Variants in CRACR2A observed in about 807,000 individuals in gnomAD.
The protein encoded by CRACR2A is calcium release activated channel regulator 2A.
Under a neutral mutation model 90.5 loss-of-function variants are expected in CRACR2A, and 79 were observed. That is an observed-to-expected ratio of 0.87 (90% CI 0.73 to 1.05). The LOEUF is 1.05. CRACR2A is among the 50% of genes least tolerant of loss of function. CRACR2A has a pLI of 0.00. For missense variants in CRACR2A, 823 were observed against 897.2 expected, an observed-to-expected ratio of 0.92 and a Z score of 1.06; for synonymous variants, 338 against 356.7, an observed-to-expected ratio of 0.95 and a Z score of 0.59.
chr12:3,662,356 GC>G (rs1240747464), intron 7 of CRACR2A, among the ~76,000 whole-genome samples: 5 of 152,352 alleles, frequency 3.3e-5, no homozygotes, highest in Non-Finnish European at 7.4e-5. Context: ...GAGAAGACTT[GC>G]ATTCTGATCC....
chr12:3,717,013 G>A (rs1857887175), intron 2 of CRACR2A, among the ~76,000 whole-genome samples: 1 of 152,134 alleles, frequency 6.6e-6, no homozygotes, highest in Non-Finnish European at 1.5e-5. Context: ...GATGGCACAG[G>A]CATTCGATAC....
In CRACR2A at chr12:3,633,722, G is replaced by C; in HGVS notation, c.1617C>G (p.Pro539=). Residue 539 remains proline (P), a synonymous_variant, in exon 15 of 20, where the codon CCC becomes CCG. Coordinates refer to ENST00000440314, the MANE Select transcript of CRACR2A (RefSeq NM_001144958.2). This position sits in a 1 kb window ranked among gnomAD's most constrained non-coding sequence, Gnocchi z 4.5. ...TCTTGAAGAGCCGGTCAGGGGCAGA[G>C]GGAGAGCTTTCCTCCTGTGGATGGC... ...KEALCKEESS[P]SAPDRLFKIV... 6.4e-7 allele frequency: 1 copy of C among 1,551,736 alleles called. No homozygotes were observed. The highest frequency in any genetic ancestry group is 1.4e-5 in the African/African-American group (1 of 73,166).
At chr12:3,745,730 A>G (rs1032811633) in intron 1 of CRACR2A, among the ~76,000 whole-genome samples, 3 of 150,390 alleles carry the variant, frequency 2.0e-5, no homozygotes, top group Non-Finnish European at 4.4e-5. Flanking sequence ...GTGAGCCAAG[A>G]TCATGCCATT....
chr12:3,691,543 G>C (rs1450525111), intron 4 of CRACR2A, among the ~76,000 whole-genome samples: 3 of 152,080 alleles, frequency 2.0e-5, no homozygotes, highest in Non-Finnish European at 4.4e-5. Flanking sequence ...CTTTGTAGGT[G>C]ACCTGACCTT....
At position 3,720,464 on chromosome 12, in the gene CRACR2A, A is replaced by AAGC. The variant is rs1946152835; in HGVS notation, c.-117-7148_-117-7147insGCT. Reference sequence around the variant, plus strand: ...GAAAGAAAGAAAGAAAGAAAGAAAGAAAGCAAAAGAAAAAAAGAAACAAAT... The same window carrying AAGC: ...GAAAGAAAGAAAGAAAGAAAGAAAGAAGCAAGCAAAAGAAAAAAAGAAACAAAT... On this transcript the variant is annotated intron_variant, in intron 2 of 19. Transcript: ENST00000440314. Among the ~76,000 whole-genome samples, 295 of 150,906 alleles carry AAGC rather than the reference A, an allele frequency of 2.0e-3. 1 individual carries two copies. Among genetic ancestry groups the AAGC allele is most frequent in the African/African-American group, 7.0e-3 (283 of 40,600 alleles).
At chr12:3,688,406 T>TA (rs1457509388) in intron 4 of CRACR2A, among the ~76,000 whole-genome samples, 4 of 152,234 alleles carry the variant, frequency 2.6e-5, no homozygotes, top group African/African-American at 7.2e-5. Flanking sequence ...ATTCTGCATA[T>TA]GACTAGCCAG....
At chr12:3,643,862 T>TATATATTTATATTATATATATA (rs1555107845) in intron 12 of CRACR2A, among the ~76,000 whole-genome samples, 5 of 60,478 alleles carry the variant, frequency 8.3e-5, no homozygotes, top group Non-Finnish European at 5.5e-5. Flanking sequence ...ATATTTATAT[T>TATATATTTATATTATATATATA]ATATATATTA....
At chr12:3,708,208 A>G (rs990602391) in intron 3 of CRACR2A, among the ~76,000 whole-genome samples, 1 of 152,136 alleles carries the variant, frequency 6.6e-6, no homozygotes, top group African/African-American at 2.4e-5. Flanking sequence ...CCACCCCTCT[A>G]AAGAGCCCTT....
chr12:3,643,140 T>A (rs1473701192), intron 12 of CRACR2A, among the ~76,000 whole-genome samples: 1 of 150,160 alleles, frequency 6.7e-6, no homozygotes, highest in Non-Finnish European at 1.5e-5. Flanking sequence ...ACCATTATCA[T>A]CATCAAACAA....
chr12:3,744,216 G>T lies in CRACR2A; in HGVS notation c.-387+8799C>A, dbSNP rs542607382. On this transcript the variant is annotated intron_variant, in intron 1 of 19. Transcript: ENST00000440314. ...TTTCATAGTATGTGTGTAATTAGTT[G>T]AAAAGCTTAATTTAACAGTTTGGTA... 7.2e-5 allele frequency among the ~76,000 whole-genome samples: 11 copies of T among 152,338 alleles called. 2 individuals carry two copies. Among genetic ancestry groups the T allele is most frequent in the African/African-American group, 2.4e-4 (10 of 41,566 alleles).
At chr12:3,715,743 A>G (rs1414581461) in intron 2 of CRACR2A, among the ~76,000 whole-genome samples, 1 of 152,272 alleles carries the variant, frequency 6.6e-6, no homozygotes, top group Non-Finnish European at 1.5e-5. Context: ...ATTTCCCAAC[A>G]TAAGTTCCAT....
intron 10 of CRACR2A, among the ~76,000 whole-genome samples, chr12:3,650,272 C>T (rs1396221854): frequency 6.6e-6 from 1 of 152,200 alleles, no homozygotes; most frequent in Non-Finnish European, 1.5e-5. Context: ...ACTCTCCTGC[C>T]AAGCTCCTAT....
At chr12:3,701,848 A>G (rs1945840065) in intron 3 of CRACR2A, among the ~76,000 whole-genome samples, 1 of 152,134 alleles carries the variant, frequency 6.6e-6, no homozygotes, top group South Asian at 2.1e-4. Flanking sequence ...TGATACCAAA[A>G]CTGAATGAAG....
intron 10 of CRACR2A, among the ~76,000 whole-genome samples, chr12:3,650,344 T>C (rs1271527626): frequency 1.3e-5 from 2 of 152,222 alleles, no homozygotes; most frequent in Admixed American, 1.3e-4. Context: ...AATTGCAAAG[T>C]TAATTTACAG....
chr12:3,715,516 T>C (rs1226707688), intron 2 of CRACR2A, among the ~76,000 whole-genome samples: 1 of 152,190 alleles, frequency 6.6e-6, no homozygotes. Flanking sequence ...AACAGCTCCC[T>C]TAAACCCAGC....
At chr12:3,700,299 C>T (rs754311219) in intron 3 of CRACR2A, among the ~76,000 whole-genome samples, 8 of 152,164 alleles carry the variant, frequency 5.3e-5, no homozygotes, top group Non-Finnish European at 1.0e-4. Flanking sequence ...CTTCACTTAT[C>T]TTACTCTAGT....
chr12:3,652,774 T>C (rs1276777307), intron 10 of CRACR2A, among the ~76,000 whole-genome samples: 1 of 134,940 alleles, frequency 7.4e-6, no homozygotes, highest in East Asian at 2.3e-4. Context: ...AACTACTTTT[T>C]TCAGAATAAA....
chr12:3,659,628 A>T lies in CRACR2A; in HGVS notation c.698T>A (p.Ile233Asn), dbSNP rs756275527. 6.2e-7 allele frequency: 1 copy of T among 1,614,062 alleles called. No individual in the cohort carries two copies. Among genetic ancestry groups the T allele is most frequent in the South Asian group, 1.1e-5 (1 of 91,070 alleles). Residue 233 changes from isoleucine (I) to asparagine (N), a missense_variant, in exon 8 of 20, where the codon ATC becomes AAC. Ile to Asn is a moderately radical substitution (Grantham distance 149). Coordinates refer to ENST00000440314, the MANE Select transcript of CRACR2A (RefSeq NM_001144958.2). ...KRKIAAYDEE[I>N]QHLYEEMEQQ... ...TTCCATCTCCTCATAGAGATGCTGG[A>T]TTTCTTCATCATAAGCAGCAATTTT...
At chr12:3,678,814 G>T (rs1945386205) in intron 6 of CRACR2A, 101 bp downstream of exon 6, 2 of 1,334,062 alleles carry the variant, frequency 1.5e-6, no homozygotes, top group Non-Finnish European at 2.1e-6. Context: ...CCAGTGCAGG[G>T]ACCAGCACCA....
Sources: allele counts gnomAD v4.1 joint callset (sites outside exome capture counted in the v4.1 genomes callset), GRCh38; gene constraint gnomAD v4.1.1; non-coding constraint Gnocchi (gnomAD v3.1); transcripts MANE v1.5; gene names NCBI Gene and HGNC (gene_info 2026-07-23, HGNC 2026-07-21).